Variants in NCAN observed in about 807,000 individuals in gnomAD.
NCAN encodes neurocan core protein.
A neutral mutation model predicts 121.8 loss-of-function variants in NCAN; 47 were observed. The ratio of observed to expected loss-of-function variants is 0.39; its 90% CI spans 0.31 to 0.49. The LOEUF (loss-of-function observed/expected upper bound fraction) is 0.49. Among genes scored for constraint, NCAN ranks in the 20% least tolerant of loss-of-function variants. NCAN has a pLI of 0.92. For synonymous variants in NCAN, 633 were observed against 702.0 expected (o/e 0.90, Z 1.55); for missense variants, 1,517 against 1,773.4 (o/e 0.86, Z 2.60).
chr19:19,234,657 A>G (rs2060874526), intron 9 of NCAN, among the ~76,000 whole-genome samples: 1 of 152,218 alleles, frequency 6.6e-6, no homozygotes, highest in African/African-American at 2.4e-5. Flanking sequence ...CAAATGCCTA[A>G]AAGAGACTCC....
chr19:19,227,249 T>C lies in NCAN; in HGVS notation c.1661-32T>C. The C allele has an allele frequency of 6.6e-7, 1 of 1,520,110 alleles. No individual in the cohort carries two copies. The highest frequency in any genetic ancestry group is 8.8e-7 in the Non-Finnish European group (1 of 1,135,322). 94.2% of individuals were successfully genotyped at this position (1,520,110 alleles called of 1,614,324 possible). Reference sequence around the variant, plus strand: ...TCCAACCAAAGGGGCTGCTGAGAGATCATTGTAATGATTGCCTTGATGTTG... The same window carrying C: ...TCCAACCAAAGGGGCTGCTGAGAGACCATTGTAATGATTGCCTTGATGTTG... On this transcript the variant is annotated intron_variant, in intron 7 of 14. Coordinates refer to ENST00000252575, the MANE Select transcript of NCAN (RefSeq NM_004386.3). The surrounding 1 kb of genome is among the most constrained non-coding windows in gnomAD (Gnocchi z 4.2).
In NCAN at chr19:19,238,866, G is replaced by A. The variant is rs1007211657; in HGVS notation, c.3409+455G>A. The A allele has an allele frequency of 2.4e-5, 6 of 251,652 alleles. No homozygotes were observed. In the Admixed American group the frequency reaches 3.0e-4, roughly 13 times the overall value. The allele number at this position is 251,652 out of a possible 1,614,324, so 15.6% of individuals were successfully genotyped here. A position where few individuals can be genotyped will look rare whatever the true frequency, so the allele number is the denominator to read the frequency against. ...GTGATGGGAGAAGCACCTGTAATGT[G>A]TTCAAAGACCTAGGAGAGAGACAAG... On this transcript the variant is annotated intron_variant, in intron 11 of 14. Transcript: ENST00000252575.
At chr19:19,218,546 C>A (rs2060804181) in intron 2 of NCAN, among the ~76,000 whole-genome samples, 1 of 151,832 alleles carries the variant, frequency 6.6e-6, no homozygotes. Flanking sequence ...GACCTTGGCT[C>A]ACCGCAACCT....
intron 8 of NCAN, among the ~76,000 whole-genome samples, chr19:19,231,346 T>A (rs78683942): frequency 6.6e-6 from 1 of 150,846 alleles, no homozygotes; most frequent in East Asian, 2.0e-4. Context: ...TTTTTTTTTT[T>A]GAGAGAGAGA....
chr19:19,217,832 C>G (rs1002772012), intron 2 of NCAN, among the ~76,000 whole-genome samples: 1 of 152,032 alleles, frequency 6.6e-6, no homozygotes, highest in African/African-American at 2.4e-5. Flanking sequence ...ACAGAAAATA[C>G]AAAAATTAGC....
chr19:19,223,554 C>T (rs2060824327), intron 3 of NCAN, among the ~76,000 whole-genome samples: 1 of 152,066 alleles, frequency 6.6e-6, no homozygotes, highest in South Asian at 2.1e-4. Context: ...CTCACCGCAA[C>T]CTCTGCCTCC....
intron 10 of NCAN, among the ~76,000 whole-genome samples, chr19:19,237,912 G>A (rs566677944): frequency 1.6e-4 from 25 of 152,024 alleles, no homozygotes; most frequent in Admixed American, 3.9e-4. Context: ...GCGTGGTGGC[G>A]CACGCCTGTA....
intron 10 of NCAN, among the ~76,000 whole-genome samples, chr19:19,236,077 C>G (rs1188173056): frequency 6.6e-6 from 1 of 152,172 alleles, no homozygotes; most frequent in East Asian, 1.9e-4. Flanking sequence ...CAGTGGCATT[C>G]TGTACAATCA....
In NCAN at chr19:19,250,029, A is replaced by C. The variant is rs1330850721; in HGVS notation, c.*118A>C. ...CAGAAGTCCCTGAACCCCAAACCAC[A>C]TCCCCCACACACATAATCCTTTGTA... is the stretch of plus-strand genomic sequence containing the variant. On this transcript the variant is annotated 3_prime_UTR_variant, in exon 15 of 15. Coordinates refer to ENST00000252575, the MANE Select transcript of NCAN (RefSeq NM_004386.3). The C allele has an allele frequency of 3.0e-6, 3 of 1,011,740 alleles. No individual in the cohort carries two copies. The highest frequency in any genetic ancestry group is 1.4e-5 in the South Asian group (1 of 72,674). 62.7% of individuals were successfully genotyped at this position (1,011,740 alleles called of 1,614,324 possible). A position where few individuals can be genotyped will look rare whatever the true frequency, so the allele number is the denominator to read the frequency against.
intron 9 of NCAN, among the ~76,000 whole-genome samples, chr19:19,234,738 T>G (rs1182221151): frequency 1.3e-5 from 2 of 152,254 alleles, no homozygotes; most frequent in Non-Finnish European, 2.9e-5. Context: ...TAGAACAGTC[T>G]GCACATCCTG....
At chr19:19,246,228 G>A (rs2060923982) in intron 13 of NCAN, among the ~76,000 whole-genome samples, 1 of 151,766 alleles carries the variant, frequency 6.6e-6, no homozygotes, top group Non-Finnish European at 1.5e-5. Flanking sequence ...AGTAGAGACG[G>A]GGTTTCACCA....
At chr19:19,213,616 G>T (rs1418798954) in intron 1 of NCAN, among the ~76,000 whole-genome samples, 2 of 151,896 alleles carry the variant, frequency 1.3e-5, no homozygotes, top group East Asian at 3.9e-4. Context: ...GTGAATCTGT[G>T]TGAGTGTGTG....
chr19:19,231,035 A>G (rs889522219), intron 8 of NCAN, among the ~76,000 whole-genome samples: 4 of 151,850 alleles, frequency 2.6e-5, no homozygotes, highest in Non-Finnish European at 5.9e-5. Flanking sequence ...CATGAGCCGT[A>G]GCGCCGGGCA....
chr19:19,234,020 T>G, intron 9 of NCAN, 115 bp downstream of exon 9: 1 of 670,984 alleles, frequency 1.5e-6, no homozygotes, highest in Non-Finnish European at 2.6e-6. Flanking sequence ...TGGTTTCAGA[T>G]GCTCCATTCC....
chr19:19,229,926 G>T (rs938349017), intron 8 of NCAN, among the ~76,000 whole-genome samples: 1 of 152,068 alleles, frequency 6.6e-6, no homozygotes, highest in African/African-American at 2.4e-5. Context: ...AAAATAAAAA[G>T]AAATTAGCCA....
chr19:19,238,156 T>A, intron 10 of NCAN, 97 bp from the exon 11 acceptor site: 1 of 1,530,088 alleles, frequency 6.5e-7, no homozygotes, highest in East Asian at 2.3e-5. Context: ...GCAGTGACCT[T>A]GGATTGGGCC....
At chr19:19,221,219 C>A (rs901127129) in intron 3 of NCAN, among the ~76,000 whole-genome samples, 6 of 150,278 alleles carry the variant, frequency 4.0e-5, no homozygotes, top group Non-Finnish European at 8.9e-5. Flanking sequence ...CCAGCCTGGG[C>A]AACACAGCAA....
intron 8 of NCAN, among the ~76,000 whole-genome samples, chr19:19,230,652 G>A (rs2060854879): frequency 6.6e-6 from 1 of 151,108 alleles, no homozygotes; most frequent in Admixed American, 6.6e-5. Context: ...TCATGATGAT[G>A]GAAATAGCTG....
In NCAN at chr19:19,233,880, C is replaced by T. The variant is rs752405111; in HGVS notation, c.3111C>T (p.Gly1037=). The T allele has an allele frequency of 6.2e-7, 1 of 1,612,966 alleles. No individual in the cohort carries two copies. The highest frequency in any genetic ancestry group is 8.5e-7 in the Non-Finnish European group (1 of 1,178,932). ...GTMYGCSCDQ[G]FAGENCEIDI... is the part of the protein sequence containing the mutation. ...TGTATGGCTGTAGCTGTGATCAGGG[C>T]TTCGCCGGGGAGAACTGTGAGATTG... Residue 1037 remains glycine (G), a synonymous_variant, in exon 9 of 15, where the codon GGC becomes GGT. Coordinates refer to ENST00000252575, the MANE Select transcript of NCAN (RefSeq NM_004386.3).
Sources: gnomAD v4.1 joint callset for allele counts (sites outside exome capture counted in the v4.1 genomes callset) on GRCh38, gnomAD v4.1.1 for gene constraint, Gnocchi (gnomAD v3.1) non-coding constraint, MANE v1.5 for transcripts, NCBI Gene and HGNC (gene_info 2026-07-23, HGNC 2026-07-21) for gene names.